Variants in NPSR1 observed in about 807,000 individuals in gnomAD.
NPSR1 encodes neuropeptide S receptor 1.
NPSR1 carries 48 observed loss-of-function variants against 46.9 expected under a neutral mutation model. That is an observed-to-expected ratio of 1.02 (90% CI 0.81 to 1.30). The LOEUF (loss-of-function observed/expected upper bound fraction) is 1.30, where lower values mean the gene tolerates loss of function less well. NPSR1 is among the 50% of genes most tolerant of loss of function. The pLI is 0.00. For missense variants in NPSR1, 450 were observed against 449.5 expected, an observed-to-expected ratio of 1.00 and a Z score of -0.01; for synonymous variants, 176 against 168.1, an observed-to-expected ratio of 1.05 and a Z score of -0.36.
chr7:34,810,410 A>C (rs1339101137), intron 3 of NPSR1, among the ~76,000 whole-genome samples: 1 of 152,220 alleles, frequency 6.6e-6, no homozygotes, highest in Non-Finnish European at 1.5e-5. Context: ...CTTTCTGCTA[A>C]TTATGCAAAA....
rs148150520 is a variant in NPSR1 at position 34,743,629 on chromosome 7, G to A, written c.281-34833G>A. Among the ~76,000 whole-genome samples, 196 of 152,118 alleles carry A rather than the reference G, an allele frequency of 1.3e-3. 1 individual carries two copies. Among genetic ancestry groups the A allele is most frequent in the African/African-American group, 4.5e-3 (188 of 41,502 alleles). On this transcript the variant is annotated intron_variant, in intron 2 of 8. Coordinates refer to ENST00000360581, the MANE Select transcript of NPSR1 (RefSeq NM_207172.2). ...TAATTTTTGTATTTTTAGTACAGACGGGGTTTAACCATCTTGGCCAGGCTG... is the reference window on the plus strand; with the variant it reads ...TAATTTTTGTATTTTTAGTACAGACAGGGTTTAACCATCTTGGCCAGGCTG...
intron 2 of NPSR1, among the ~76,000 whole-genome samples, chr7:34,774,286 T>C (rs376233447): frequency 6.6e-6 from 1 of 152,178 alleles, no homozygotes; most frequent in Non-Finnish European, 1.5e-5. Context: ...AACCCCCATA[T>C]AGCCATAAGT....
At chr7:34,779,608 G>T in intron 3 of NPSR1, 2 of 1,266,904 alleles carry the variant, frequency 1.6e-6, no homozygotes, top group South Asian at 2.5e-5. Context: ...CTTCTTTTGT[G>T]CTCTGAATAT....
chr7:34,682,473 A>T (rs184922137), intron 1 of NPSR1, among the ~76,000 whole-genome samples: 1 of 152,148 alleles, frequency 6.6e-6, no homozygotes, highest in Non-Finnish European at 1.5e-5. Flanking sequence ...ATCTGTCAGC[A>T]CCATGGTGTC....
chr7:34,789,946 T>A (rs1199508532), intron 3 of NPSR1, among the ~76,000 whole-genome samples: 2 of 151,852 alleles, frequency 1.3e-5, no homozygotes, highest in Non-Finnish European at 2.9e-5. Context: ...TACCAAACAC[T>A]TAGAGAAGAA....
At chr7:34,850,408 T>C (rs1790898116), downstream of NPSR1, among the ~76,000 whole-genome samples, 1 of 149,080 alleles carries the variant, frequency 6.7e-6, no homozygotes, top group African/African-American at 2.5e-5. Flanking sequence ...CTTTTTTTTT[T>C]TTTTTTTTTT....
chr7:34,766,406 G>T (rs1488894753), intron 2 of NPSR1, among the ~76,000 whole-genome samples: 1 of 152,102 alleles, frequency 6.6e-6, no homozygotes, highest in African/African-American at 2.4e-5. Flanking sequence ...GTACATGAAT[G>T]TTTATATCAG....
intron 1 of NPSR1, among the ~76,000 whole-genome samples, chr7:34,682,578 C>T (rs1167029982): frequency 6.6e-6 from 1 of 152,076 alleles, no homozygotes; most frequent in Non-Finnish European, 1.5e-5. Flanking sequence ...CCTCCAAATT[C>T]AAATCACTTG....
intron 2 of NPSR1, among the ~76,000 whole-genome samples, chr7:34,773,528 T>C (rs1464038141): frequency 3.3e-5 from 5 of 152,242 alleles, no homozygotes; most frequent in East Asian, 3.9e-4. Flanking sequence ...AAGTGCATCA[T>C]TGGAAGGATG....
chr7:34,756,982 A>T (rs563823942), intron 2 of NPSR1, among the ~76,000 whole-genome samples: 103 of 152,158 alleles, frequency 6.8e-4, no homozygotes, highest in Non-Finnish European at 1.3e-3. Flanking sequence ...GATAGTTACG[A>T]TGATTAAGAA....
At chr7:34,846,414 C>T (rs1206838330) in intron 7 of NPSR1, among the ~76,000 whole-genome samples, 2 of 151,982 alleles carry the variant, frequency 1.3e-5, no homozygotes, top group African/African-American at 4.8e-5. Flanking sequence ...AATAAAATGC[C>T]TACTTATACT....
chr7:34,807,915 A>G (rs2128749756), intron 3 of NPSR1, among the ~76,000 whole-genome samples: 1 of 152,140 alleles, frequency 6.6e-6, no homozygotes, highest in East Asian at 1.9e-4. Flanking sequence ...ACCACCACAA[A>G]ATCCGTATCC....
At chr7:34,824,735 C>T (rs1046102064) in intron 4 of NPSR1, among the ~76,000 whole-genome samples, 14 of 152,144 alleles carry the variant, frequency 9.2e-5, no homozygotes, top group Non-Finnish European at 1.8e-4. Flanking sequence ...AGGAGTCACA[C>T]GTTGCCCTTA....
intron 8 of NPSR1, among the ~76,000 whole-genome samples, chr7:34,856,101 A>T (rs1194281507): frequency 1.3e-5 from 2 of 152,176 alleles, no homozygotes; most frequent in East Asian, 3.8e-4. Context: ...ATGAGTGAAG[A>T]ATGCCAGCAT....
At chr7:34,764,127 A>G (rs1258927352) in intron 2 of NPSR1, among the ~76,000 whole-genome samples, 1 of 152,258 alleles carries the variant, frequency 6.6e-6, no homozygotes, top group African/African-American at 2.4e-5. Flanking sequence ...AAATCAAATC[A>G]AAGTCTTGGC....
chr7:34,694,601 T>G (rs1480406396), intron 2 of NPSR1, among the ~76,000 whole-genome samples: 2 of 152,190 alleles, frequency 1.3e-5, no homozygotes, highest in Non-Finnish European at 2.9e-5. Flanking sequence ...CCCAAAGCAA[T>G]CTACAGATTC....
At chr7:34,687,520 G>T (rs1435438918) in intron 2 of NPSR1, among the ~76,000 whole-genome samples, 7 of 152,192 alleles carry the variant, frequency 4.6e-5, no homozygotes, top group African/African-American at 1.7e-4. Flanking sequence ...GCAAGGTGGA[G>T]TGAGGGCAAG....
rs531494307 is a variant in NPSR1 at position 34,762,360 on chromosome 7, A to G, written c.281-16102A>G. On this transcript the variant is annotated intron_variant, in intron 2 of 8. Coordinates refer to ENST00000360581, the MANE Select transcript of NPSR1 (RefSeq NM_207172.2). Reference sequence around the variant, plus strand: ...GGTACTTCATCTTGGCGAAGGACACAGTGCCAGAATCATATTAATATTGTA... The same window carrying G: ...GGTACTTCATCTTGGCGAAGGACACGGTGCCAGAATCATATTAATATTGTA... Among the ~76,000 whole-genome samples, 46 of 152,338 alleles carry G rather than the reference A, an allele frequency of 3.0e-4. 1 individual carries two copies. The highest frequency in any genetic ancestry group is 9.4e-4 in the African/African-American group (39 of 41,586).
At position 34,735,980 on chromosome 7, in the gene NPSR1, AG is replaced by A. The variant is rs1250540723; in HGVS notation, c.281-42481del. 3.9e-5 allele frequency among the ~76,000 whole-genome samples: 6 copies of A among 152,370 alleles called. No individual in the cohort carries two copies. The East Asian group carries it at 1.2e-3, about 29-fold the overall frequency. On this transcript the variant is annotated intron_variant, in intron 2 of 8. Coordinates refer to ENST00000360581, the MANE Select transcript of NPSR1 (RefSeq NM_207172.2). ...ACCATAAACTCCAGCTATATAAAAAAGTGAAGCCTCACATTAAAGACAGGGA... is the reference window on the plus strand; with the variant it reads ...ACCATAAACTCCAGCTATATAAAAAATGAAGCCTCACATTAAAGACAGGGA...
Sources: allele counts gnomAD v4.1 joint callset (sites outside exome capture counted in the v4.1 genomes callset), GRCh38; gene constraint gnomAD v4.1.1; transcripts MANE v1.5; gene names NCBI Gene and HGNC (gene_info 2026-07-23, HGNC 2026-07-21).